COMMD10: variants seen among roughly 807,000 people sequenced by gnomAD.
COMMD10 encodes COMM domain-containing protein 10.
A neutral mutation model predicts 28.9 loss-of-function variants in COMMD10; 33 were observed. The observed-to-expected ratio is 1.14, with a 90% CI of 0.87 to 1.53. COMMD10 has a LOEUF of 1.53. COMMD10 is among the 40% of genes most tolerant of loss of function. The pLI is 0.00. For missense variants in COMMD10, 310 were observed against 233.4 expected, an observed-to-expected ratio of 1.33 and a Z score of -2.14; for synonymous variants, 110 against 81.7, an observed-to-expected ratio of 1.35 and a Z score of -1.87.
At chr5:116,171,815 C>G (rs1200827802) in intron 5 of COMMD10, among the ~76,000 whole-genome samples, 1 of 132,434 alleles carries the variant, frequency 7.6e-6, no homozygotes, top group Non-Finnish European at 1.5e-5. Context: ...ACATCACACA[C>G]TGGGGCCTGT....
chr5:116,117,511 G>C (rs986019921), intron 4 of COMMD10, among the ~76,000 whole-genome samples: 2 of 152,098 alleles, frequency 1.3e-5, no homozygotes, highest in Non-Finnish European at 2.9e-5. Context: ...GCCCAGGCTG[G>C]AGTGTGCAGT....
chr5:116,259,667 C>T (rs767099399), intron 5 of COMMD10, among the ~76,000 whole-genome samples: 2 of 151,742 alleles, frequency 1.3e-5, no homozygotes, highest in Non-Finnish European at 2.9e-5. Context: ...ATTCTCATTA[C>T]AGAAGCCTTC....
chr5:116,285,924 G>C (rs1751208536), intron 5 of COMMD10, among the ~76,000 whole-genome samples: 1 of 151,822 alleles, frequency 6.6e-6, no homozygotes, highest in South Asian at 2.1e-4. Context: ...TTTTGGAAGA[G>C]TTTCAGGACA....
chr5:116,281,216 GTA>G lies in COMMD10; in HGVS notation c.511-10297_511-10296del, dbSNP rs1226955656. Among the ~76,000 whole-genome samples, 6 of 151,696 alleles carry G rather than the reference GTA, an allele frequency of 4.0e-5. 1 individual carries two copies. Among genetic ancestry groups the G allele is most frequent in the African/African-American group, 1.5e-4 (6 of 41,106 alleles). On this transcript the variant is annotated intron_variant, in intron 5 of 6. Transcript: ENST00000274458. The stretch of plus-strand genomic sequence containing the variant: ...TTAATGCATTTCTGTCTTGAAAAAT[GTA>G]TATGTGTTCCTAATTCCTAACTAAT...
At chr5:116,174,058 C>G (rs887495794) in intron 5 of COMMD10, among the ~76,000 whole-genome samples, 1 of 152,050 alleles carries the variant, frequency 6.6e-6, no homozygotes, top group Non-Finnish European at 1.5e-5. Context: ...TAAGTGTATA[C>G]TCTATCAGGT....
intron 5 of COMMD10, among the ~76,000 whole-genome samples, chr5:116,233,930 G>A (rs1749593788): frequency 6.6e-6 from 1 of 152,112 alleles, no homozygotes; most frequent in Non-Finnish European, 1.5e-5. Flanking sequence ...TGAGAGAAGG[G>A]TTCTAGAAGA....
intron 4 of COMMD10, among the ~76,000 whole-genome samples, chr5:116,130,011 T>C (rs1751814011): frequency 6.6e-6 from 1 of 151,484 alleles, no homozygotes; most frequent in Non-Finnish European, 1.5e-5. Context: ...TTTTATTTAC[T>C]TTTTTTATTA....
intron 5 of COMMD10, among the ~76,000 whole-genome samples, chr5:116,217,520 A>G (rs1322227807): frequency 6.6e-6 from 1 of 152,154 alleles, no homozygotes; most frequent in Non-Finnish European, 1.5e-5. Context: ...GAAGATCCAC[A>G]ATCTAGAAAC....
At chr5:116,230,911 G>T (rs1216533664) in intron 5 of COMMD10, among the ~76,000 whole-genome samples, 1 of 152,078 alleles carries the variant, frequency 6.6e-6, no homozygotes, top group Non-Finnish European at 1.5e-5. Context: ...ATTTCATACT[G>T]TCTTCCTCCT....
chr5:116,276,899 A>T (rs1405720467), intron 5 of COMMD10, among the ~76,000 whole-genome samples: 1 of 151,762 alleles, frequency 6.6e-6, no homozygotes, highest in Non-Finnish European at 1.5e-5. Flanking sequence ...GGTGGATAAT[A>T]ACTAAAGGAC....
At chr5:116,112,112 T>C (rs1350974040) in intron 4 of COMMD10, among the ~76,000 whole-genome samples, 2 of 152,216 alleles carry the variant, frequency 1.3e-5, no homozygotes, top group Non-Finnish European at 2.9e-5. Context: ...TTTTGACAAA[T>C]TCTCTTAGTA....
intron 5 of COMMD10, among the ~76,000 whole-genome samples, chr5:116,265,316 C>T (rs559523083): frequency 6.6e-6 from 1 of 151,490 alleles, no homozygotes. Context: ...TGAAATTGAC[C>T]TTGATTATTC....
chr5:116,226,428 T>G (rs994695980), intron 5 of COMMD10, among the ~76,000 whole-genome samples: 3 of 151,788 alleles, frequency 2.0e-5, no homozygotes, highest in African/African-American at 7.3e-5. Context: ...TTTTTTTTTT[T>G]TTTTGAGAAC....
At chr5:116,190,662 T>A (rs892866386) in intron 5 of COMMD10, among the ~76,000 whole-genome samples, 6 of 152,232 alleles carry the variant, frequency 3.9e-5, no homozygotes, top group Non-Finnish European at 8.8e-5. Flanking sequence ...GCTACCATGT[T>A]TTGAGGAATA....
intron 5 of COMMD10, among the ~76,000 whole-genome samples, chr5:116,197,213 A>G (rs1053865472): frequency 6.6e-6 from 1 of 152,186 alleles, no homozygotes; most frequent in African/African-American, 2.4e-5. Context: ...CATTTCATTC[A>G]TTCAGCATCC....
At chr5:116,206,064 A>G (rs1748804282) in intron 5 of COMMD10, among the ~76,000 whole-genome samples, 2 of 152,174 alleles carry the variant, frequency 1.3e-5, no homozygotes, top group Non-Finnish European at 2.9e-5. Context: ...TTGTTTTCTG[A>G]AATTATTAGC....
intron 5 of COMMD10, among the ~76,000 whole-genome samples, chr5:116,288,952 G>A (rs1751291718): frequency 6.9e-6 from 1 of 143,988 alleles, no homozygotes; most frequent in Non-Finnish European, 1.5e-5. Flanking sequence ...CATAATCTTG[G>A]CTGACTGCAA....
chr5:116,204,412 A>T (rs891056281), intron 5 of COMMD10, among the ~76,000 whole-genome samples: 2 of 152,138 alleles, frequency 1.3e-5, no homozygotes, highest in African/African-American at 4.8e-5. Context: ...ATATTCATTT[A>T]GATGTTTTCT....
intron 5 of COMMD10, among the ~76,000 whole-genome samples, chr5:116,262,613 G>A (rs1750479470): frequency 6.6e-6 from 1 of 151,796 alleles, no homozygotes; most frequent in Non-Finnish European, 1.5e-5. Context: ...TTATAAAAGT[G>A]AATTATTTTG....
Sources: allele counts gnomAD v4.1 joint callset (sites outside exome capture counted in the v4.1 genomes callset), GRCh38; gene constraint gnomAD v4.1.1; transcripts MANE v1.5; gene names NCBI Gene and HGNC (gene_info 2026-07-23, HGNC 2026-07-21).